Variants in TMSB15B observed in about 807,000 individuals in gnomAD.
TMSB15B encodes the protein thymosin beta-15B.
At chrX:103,942,428 TG>T (rs2075014903) in intron 1 of TMSB15B, among the ~76,000 whole-genome samples, 1 of 111,996 alleles carries the variant, frequency 8.9e-6, no homozygotes, top group Non-Finnish European at 1.9e-5. Context: ...CATATATTTT[TG>T]GGAAGATTTC....
At chrX:103,939,988 G>A (rs1296760073) in intron 1 of TMSB15B, among the ~76,000 whole-genome samples, 3 of 111,871 alleles carry the variant, frequency 2.7e-5, no homozygotes, top group Non-Finnish European at 5.6e-5. Flanking sequence ...AGTGGAGGCT[G>A]TAGAACCACA....
intron 1 of TMSB15B, among the ~76,000 whole-genome samples, chrX:103,945,101 A>G (rs1556326951): frequency 8.9e-6 from 1 of 112,867 alleles, no homozygotes; most frequent in Non-Finnish European, 1.9e-5. Flanking sequence ...TAACAGAAAT[A>G]TTTTGTGGCT....
chrX:103,946,814 C>T (rs1204501275), intron 1 of TMSB15B, among the ~76,000 whole-genome samples: 3 of 111,527 alleles, frequency 2.7e-5, no homozygotes, highest in Non-Finnish European at 1.9e-5. Flanking sequence ...ATCATGTCCT[C>T]AGAGTAGATA....
At chrX:103,922,748 T>C (rs782096143) in intron 1 of TMSB15B, among the ~76,000 whole-genome samples, 1 of 111,659 alleles carries the variant, frequency 9.0e-6, no homozygotes, top group South Asian at 3.8e-4. Context: ...GGTCAAATGG[T>C]ATTTCTAGTT....
chrX:103,922,019 G>A (rs1487577150), intron 1 of TMSB15B, among the ~76,000 whole-genome samples: 2 of 110,377 alleles, frequency 1.8e-5, no homozygotes, highest in Non-Finnish European at 3.8e-5. Flanking sequence ...TCATTAGACC[G>A]ATTGCAGCTT....
intron 1 of TMSB15B, chrX:103,928,093 C>T: frequency 9.3e-7 from 1 of 1,075,362 alleles, no homozygotes; most frequent in Non-Finnish European, 1.3e-6. Flanking sequence ...CAGTTGTCTT[C>T]AGCATGGGGG....
chrX:103,935,503 C>T (rs782519593), intron 1 of TMSB15B, among the ~76,000 whole-genome samples: 5 of 111,676 alleles, frequency 4.5e-5, no homozygotes, highest in Non-Finnish European at 9.4e-5. Flanking sequence ...TAATCCAATT[C>T]GAGTTAATTT....
At chrX:103,952,507 T>G (rs1391614287) in intron 1 of TMSB15B, among the ~76,000 whole-genome samples, 1 of 109,904 alleles carries the variant, frequency 9.1e-6, no homozygotes, top group Non-Finnish European at 1.9e-5. Flanking sequence ...GGATCCAGAG[T>G]CCTAAGGGAA....
At chrX:103,937,859 G>T (rs1339377023) in intron 1 of TMSB15B, among the ~76,000 whole-genome samples, 1 of 111,713 alleles carries the variant, frequency 9.0e-6, no homozygotes, top group South Asian at 3.7e-4. Flanking sequence ...AGAGATTCTG[G>T]TACGTTTTGT....
At chrX:103,948,684 AAAG>A (rs1470686156) in intron 1 of TMSB15B, among the ~76,000 whole-genome samples, 4 of 112,466 alleles carry the variant, frequency 3.6e-5, no homozygotes, top group Non-Finnish European at 7.5e-5. Flanking sequence ...ATGTTGTGTA[AAAG>A]AAGAAGTTGT....
chrX:103,927,845 A>G (rs2074973064), intron 1 of TMSB15B, among the ~76,000 whole-genome samples: 1 of 111,039 alleles, frequency 9.0e-6, no homozygotes, highest in Non-Finnish European at 1.9e-5. Context: ...AAAATACTGT[A>G]GTGGTGGCTC....
At chrX:103,929,939 A>G (rs375626367) in intron 1 of TMSB15B, among the ~76,000 whole-genome samples, 28 of 110,398 alleles carry the variant, frequency 2.5e-4, no homozygotes, top group African/African-American at 8.9e-4. Flanking sequence ...ACATATGTAT[A>G]CATGTGCCAT....
At chrX:103,934,531 C>T (rs782179186) in intron 1 of TMSB15B, among the ~76,000 whole-genome samples, 1 of 110,282 alleles carries the variant, frequency 9.1e-6, no homozygotes, top group Non-Finnish European at 1.9e-5. Context: ...TGATGTTCCC[C>T]TCCCTGTGCC....
chrX:103,920,719 C>A (rs1252299992), intron 1 of TMSB15B, among the ~76,000 whole-genome samples: 1 of 112,567 alleles, frequency 8.9e-6, no homozygotes, highest in East Asian at 2.8e-4. Context: ...CCCCAAACCA[C>A]AGCTCTCTGT....
intron 1 of TMSB15B, among the ~76,000 whole-genome samples, chrX:103,935,373 T>C (rs782298203): frequency 6.2e-5 from 7 of 112,283 alleles, no homozygotes; most frequent in Admixed American, 5.7e-4. Context: ...ATTTTGGCTT[T>C]TGTTTTAATT....
At chrX:103,936,357 G>A (rs1385524371) in intron 1 of TMSB15B, among the ~76,000 whole-genome samples, 3 of 111,451 alleles carry the variant, frequency 2.7e-5, no homozygotes, top group African/African-American at 9.8e-5. Context: ...TCCTTGAAGA[G>A]GTCCTTCACA....
At chrX:103,937,481 G>A (rs1159046437) in intron 1 of TMSB15B, among the ~76,000 whole-genome samples, 1 of 111,973 alleles carries the variant, frequency 8.9e-6, no homozygotes, top group African/African-American at 3.2e-5. Flanking sequence ...TTCTCTGATG[G>A]TAGTTTGTAT....
Position 103,950,497 on chromosome X carries a change from C to T in TMSB15B, c.-720-11524C>T, listed in dbSNP as rs192779901. On this transcript the variant is annotated intron_variant, in intron 1 of 3. Transcript: ENST00000419165. The stretch of plus-strand genomic sequence containing the variant: ...TCTTAGACAGGAACACTGGTTCCAA[C>T]GAAGCCTTATATTGTGTATAGAAAC... 2.6e-3 allele frequency among the ~76,000 whole-genome samples: 284 copies of T among 109,918 alleles called. 1 individual carries two copies. Among genetic ancestry groups the T allele is most frequent in the Non-Finnish European group, 4.5e-3 (236 of 52,747 alleles).
chrX:103,921,983 A>T (rs1163663676), intron 1 of TMSB15B, among the ~76,000 whole-genome samples: 1 of 111,794 alleles, frequency 8.9e-6, no homozygotes, highest in Non-Finnish European at 1.9e-5. Flanking sequence ...CAAGCAGTCT[A>T]AAAGGCATTC....
Sources: gnomAD v4.1 joint callset for allele counts (sites outside exome capture counted in the v4.1 genomes callset) on GRCh38, gnomAD v4.1.1 for gene constraint, MANE v1.5 for transcripts, NCBI Gene and HGNC (gene_info 2026-07-23, HGNC 2026-07-21) for gene names.